Variants in WWOX observed in about 807,000 individuals in gnomAD.
WWOX encodes WW domain containing oxidoreductase.
A neutral mutation model predicts 46.2 loss-of-function variants in WWOX; 69 were observed. That is an observed-to-expected ratio of 1.49 (90% CI 1.23 to 1.82). The LOEUF is 1.82. Among genes scored for constraint, WWOX ranks in the 40% most tolerant of loss-of-function variants. The pLI is 0.00. For synonymous variants in WWOX, 359 were observed against 202.6 expected (o/e 1.77, Z -6.56); for missense variants, 919 against 542.6 (o/e 1.69, Z -6.89).
At chr16:78,138,470 A>G (rs1356598381) in intron 4 of WWOX, among the ~76,000 whole-genome samples, 1 of 152,216 alleles carries the variant, frequency 6.6e-6, no homozygotes, top group Non-Finnish European at 1.5e-5. Flanking sequence ...TCTGGCACTT[A>G]TCTTTCAGTG....
At chr16:78,571,216 G>A (rs2044708132) in intron 8 of WWOX, among the ~76,000 whole-genome samples, 2 of 152,140 alleles carry the variant, frequency 1.3e-5, no homozygotes, top group Admixed American at 1.3e-4. Context: ...TTTGCTTTAT[G>A]TATCAATTTT....
intron 8 of WWOX, among the ~76,000 whole-genome samples, chr16:78,493,915 A>G (rs1177781793): frequency 2.6e-5 from 4 of 152,252 alleles, no homozygotes; most frequent in African/African-American, 4.8e-5. Flanking sequence ...AGGTAGAGCA[A>G]TGATTCCAGA....
intron 8 of WWOX, among the ~76,000 whole-genome samples, chr16:78,470,167 G>A (rs1248030034): frequency 6.6e-6 from 1 of 152,194 alleles, no homozygotes; most frequent in Non-Finnish European, 1.5e-5. Flanking sequence ...TTCCAGCACT[G>A]CCCTGCTGTT....
chr16:78,876,408 T>C (rs955608863), intron 8 of WWOX, among the ~76,000 whole-genome samples: 10 of 152,022 alleles, frequency 6.6e-5, no homozygotes, highest in Non-Finnish European at 1.3e-4. Context: ...GACTCTGTTA[T>C]GACAGAAACT....
rs142338970 is a variant in WWOX at position 78,404,549 on chromosome 16, G to C, written c.605+17601G>C. Reference sequence around the variant, plus strand: ...AATAATAGTCACTTTCTCTTGTGGAGTTCGCTAAATTCTACTTTGGCCTAT... The same window carrying C: ...AATAATAGTCACTTTCTCTTGTGGACTTCGCTAAATTCTACTTTGGCCTAT... On this transcript the variant is annotated intron_variant, in intron 6 of 8. Coordinates refer to ENST00000566780, the MANE Select transcript of WWOX (RefSeq NM_016373.4). 1.3e-4 allele frequency among the ~76,000 whole-genome samples: 20 copies of C among 152,202 alleles called. No homozygotes were observed. The Middle Eastern group carries it at 0.014, about 104-fold the overall frequency.
chr16:79,207,631 G>C (rs1259718032), intron 8 of WWOX, among the ~76,000 whole-genome samples: 1 of 152,144 alleles, frequency 6.6e-6, no homozygotes, highest in African/African-American at 2.4e-5. Flanking sequence ...ATATCTCATA[G>C]TTAAGTCTAC....
At chr16:78,276,025 A>G (rs1344602325) in intron 5 of WWOX, among the ~76,000 whole-genome samples, 3 of 152,092 alleles carry the variant, frequency 2.0e-5, no homozygotes, top group Non-Finnish European at 4.4e-5. Flanking sequence ...ATTCATCTCA[A>G]AGTTAAGCCT....
At chr16:78,560,674 A>G (rs1291947589) in intron 8 of WWOX, among the ~76,000 whole-genome samples, 1 of 152,082 alleles carries the variant, frequency 6.6e-6, no homozygotes, top group Non-Finnish European at 1.5e-5. Context: ...ATGTTACAAT[A>G]ATAATAATGT....
intron 8 of WWOX, among the ~76,000 whole-genome samples, chr16:78,678,837 A>T (rs1435646626): frequency 6.6e-6 from 1 of 152,158 alleles, no homozygotes; most frequent in South Asian, 2.1e-4. Flanking sequence ...GAGCAGCTCC[A>T]TAAAGAGTCC....
At position 79,051,986 on chromosome 16, in the gene WWOX, G is replaced by A. The variant is rs191265570; in HGVS notation, c.1057-159622G>A. ...TTCTCAGCATTCCACAAGTTACTTC[G>A]TCCTTCCTTTGTTCTCCTCTGCCTT... On this transcript the variant is annotated intron_variant, in intron 8 of 8. Transcript: ENST00000566780. Among the ~76,000 whole-genome samples the A allele has an allele frequency of 3.9e-4, 59 of 151,132 alleles. 2 individuals carry two copies. The East Asian group carries it at 8.0e-3, about 20-fold the overall frequency.
Position 78,920,442 on chromosome 16 carries a change from G to T in WWOX, c.1057-291166G>T, listed in dbSNP as rs146026814. On this transcript the variant is annotated intron_variant, in intron 8 of 8. Transcript: ENST00000566780. ...AGTCCTAAGGTCCCAGCCACCTATGGTTCTTTGGACCTGTGATTTTCGCTG... is the reference window on the plus strand; with the variant it reads ...AGTCCTAAGGTCCCAGCCACCTATGTTTCTTTGGACCTGTGATTTTCGCTG... Among the ~76,000 whole-genome samples, 5 of 152,274 alleles carry T rather than the reference G, an allele frequency of 3.3e-5. No homozygotes were observed. The East Asian group carries it at 9.7e-4, about 29-fold the overall frequency.
intron 8 of WWOX, among the ~76,000 whole-genome samples, chr16:79,168,636 C>G (rs1231448125): frequency 6.6e-6 from 1 of 152,176 alleles, no homozygotes; most frequent in Admixed American, 6.5e-5. Context: ...GCCATCTACA[C>G]TTGTCGACTA....
chr16:78,818,831 G>A lies in WWOX; in HGVS notation c.1056+386079G>A, dbSNP rs570779487. The stretch of plus-strand genomic sequence containing the variant: ...GTAATTCCAAAGGTTGCTTTTAAGC[G>A]TAAGTGAGAATATTGGCAGAAATTC... On this transcript the variant is annotated intron_variant, in intron 8 of 8. Transcript: ENST00000566780. 5.3e-5 allele frequency among the ~76,000 whole-genome samples: 8 copies of A among 152,330 alleles called. No homozygotes were observed. The South Asian group carries it at 1.0e-3, about 20-fold the overall frequency.
chr16:79,014,418 T>C (rs1054943700), intron 8 of WWOX, among the ~76,000 whole-genome samples: 11 of 152,306 alleles, frequency 7.2e-5, no homozygotes, highest in African/African-American at 2.4e-4. Flanking sequence ...TTTCTCAAGC[T>C]GTCTATGTTT....
intron 8 of WWOX, among the ~76,000 whole-genome samples, chr16:78,946,651 T>C (rs765478238): frequency 4.6e-4 from 70 of 152,154 alleles, no homozygotes; most frequent in Admixed American, 7.9e-4. Flanking sequence ...GATGCAGTGA[T>C]GGCATGTCTC....
At chr16:78,655,286 C>G (rs760258763) in intron 8 of WWOX, among the ~76,000 whole-genome samples, 1 of 152,158 alleles carries the variant, frequency 6.6e-6, no homozygotes, top group African/African-American at 2.4e-5. Flanking sequence ...GATTTGATCA[C>G]TTAGAGACAA....
Position 78,752,500 on chromosome 16 carries a change from C to G in WWOX, c.1056+319748C>G, listed in dbSNP as rs1173743613. 2.0e-5 allele frequency among the ~76,000 whole-genome samples: 3 copies of G among 152,272 alleles called. No individual in the cohort carries two copies. The East Asian group carries it at 5.8e-4, about 29-fold the overall frequency. ...ACGGGATTTCGCCCTGTTGGCCAGG[C>G]TAGTTTCTAACTCCTGACCTCAGGC... On this transcript the variant is annotated intron_variant, in intron 8 of 8. Coordinates refer to ENST00000566780, the MANE Select transcript of WWOX (RefSeq NM_016373.4).
rs184279663 is a variant in WWOX, at chr16:78,163,155, T to C, written c.410-1028T>C. 5.8e-4 allele frequency among the ~76,000 whole-genome samples: 88 copies of C among 152,338 alleles called. 1 individual carries two copies. The highest frequency in any genetic ancestry group is 2.0e-3 in the African/African-American group (83 of 41,592). On this transcript the variant is annotated intron_variant, in intron 4 of 8. Coordinates refer to ENST00000566780, the MANE Select transcript of WWOX (RefSeq NM_016373.4). ...TGTATGCTTAGCTATTTTGTTTGAA[T>C]GTCTGAGAGTTTATATGAGTATTTG...
chr16:78,717,701 G>A (rs1375216549), intron 8 of WWOX, among the ~76,000 whole-genome samples: 3 of 152,206 alleles, frequency 2.0e-5, no homozygotes, highest in Non-Finnish European at 4.4e-5. Flanking sequence ...AGACTTCATT[G>A]CTTCTTTGAT....
Sources: gnomAD v4.1 joint callset for allele counts (sites outside exome capture counted in the v4.1 genomes callset) on GRCh38, gnomAD v4.1.1 for gene constraint, MANE v1.5 for transcripts, NCBI Gene and HGNC (gene_info 2026-07-23, HGNC 2026-07-21) for gene names.